Variants in ANKRD36 observed in about 807,000 individuals in gnomAD.
ANKRD36 encodes ankyrin repeat domain 36.
Under a neutral mutation model 278.1 loss-of-function variants are expected in ANKRD36, and 179 were observed. The ratio of observed to expected loss-of-function variants is 0.64; its 90% CI spans 0.57 to 0.73. The LOEUF (loss-of-function observed/expected upper bound fraction) is 0.73. Among genes scored for constraint, ANKRD36 ranks in the 30% least tolerant of loss-of-function variants. The pLI is 0.00. For synonymous variants in ANKRD36, 320 were observed against 641.1 expected (o/e 0.50, Z 7.57); for missense variants, 1,159 against 1,956.7 (o/e 0.59, Z 7.69).
At position 97,183,399 on chromosome 2, in the gene ANKRD36, T is replaced by C. The variant is rs182841319; in HGVS notation, c.1838-60T>C. The C allele has an allele frequency of 2.8e-4, 411 of 1,491,684 alleles. 4 individuals are homozygous for C. The East Asian group carries it at 7.3e-3, about 26-fold the overall frequency. 92.4% of individuals were successfully genotyped at this position (1,491,684 alleles called of 1,614,324 possible). On this transcript the variant is annotated intron_variant, in intron 26 of 75. Transcript: ENST00000420699. Reference sequence around the variant, plus strand: ...CAGCTTGATGCTAACACTGCATGAATGTATGGATGACTTTGTCATATTTAC... The same window carrying C: ...CAGCTTGATGCTAACACTGCATGAACGTATGGATGACTTTGTCATATTTAC...
At chr2:97,225,992 C>T (rs867136849) in intron 67 of ANKRD36, among the ~76,000 whole-genome samples, 1 of 151,790 alleles carries the variant, frequency 6.6e-6, no homozygotes. Context: ...TCCATGGTGT[C>T]TATGTGCCAT....
intron 38 of ANKRD36, among the ~76,000 whole-genome samples, chr2:97,193,756 A>G (rs1181159688): frequency 6.6e-6 from 1 of 151,686 alleles, no homozygotes; most frequent in Non-Finnish European, 1.5e-5. Flanking sequence ...TTTTAGTTAT[A>G]AAAATCAGAT....
chr2:97,126,452 T>A (rs906561493), intron 5 of ANKRD36, among the ~76,000 whole-genome samples: 3 of 151,974 alleles, frequency 2.0e-5, no homozygotes, highest in Non-Finnish European at 2.9e-5. Context: ...AAGTTATTTA[T>A]GAATTATGAA....
intron 66 of ANKRD36, among the ~76,000 whole-genome samples, chr2:97,222,066 T>G (rs1278437857): frequency 6.6e-6 from 1 of 151,802 alleles, no homozygotes; most frequent in Non-Finnish European, 1.5e-5. Flanking sequence ...TTTTCTCAGG[T>G]TTGTCAAAGA....
intron 6 of ANKRD36, among the ~76,000 whole-genome samples, chr2:97,133,311 A>C (rs556007163): frequency 6.6e-6 from 1 of 152,128 alleles, no homozygotes; most frequent in East Asian, 1.9e-4. Context: ...TGAAATACTA[A>C]GTTTCTGTGC....
chr2:97,199,444 A>T (rs1313052588), intron 44 of ANKRD36, among the ~76,000 whole-genome samples: 1 of 151,906 alleles, frequency 6.6e-6, no homozygotes, highest in Non-Finnish European at 1.5e-5. Flanking sequence ...CTATTTAATG[A>T]CACTTCTTTA....
intron 6 of ANKRD36, among the ~76,000 whole-genome samples, chr2:97,135,512 A>C (rs1236462532): frequency 6.6e-6 from 1 of 151,342 alleles, no homozygotes; most frequent in Non-Finnish European, 1.5e-5. Context: ...ATGTGAGATG[A>C]TAAAATGGCT....
At chr2:97,199,681 TG>T (rs2060766272) in intron 44 of ANKRD36, among the ~76,000 whole-genome samples, 1 of 151,832 alleles carries the variant, frequency 6.6e-6, no homozygotes, top group Admixed American at 6.6e-5. Context: ...GTGCCAAGAG[TG>T]GATGAAGAAA....
At chr2:97,129,078 G>A (rs543605392) in intron 6 of ANKRD36, among the ~76,000 whole-genome samples, 2 of 152,158 alleles carry the variant, frequency 1.3e-5, no homozygotes, top group Admixed American at 6.6e-5. Context: ...CTAGTTTACA[G>A]TCCCACCAAC....
At chr2:97,203,481 C>T (rs2061961624) in intron 48 of ANKRD36, among the ~76,000 whole-genome samples, 1 of 151,808 alleles carries the variant, frequency 6.6e-6, no homozygotes, top group South Asian at 2.1e-4. Flanking sequence ...ATTATTACAC[C>T]ATATGGGGGT....
rs1316825423 is a variant in ANKRD36 at position 97,218,931 on chromosome 2, T to C, written c.3776-119T>C. 43 of 1,435,570 alleles carry C rather than the reference T, an allele frequency of 3.0e-5. No homozygotes were observed. In the African/African-American group the frequency reaches 5.1e-4, roughly 17 times the overall value. The allele number at this position is 1,435,570 out of a possible 1,614,324, so 88.9% of individuals were successfully genotyped here. ...GTCCCAAAGAAACAAACTAGAAAAA[T>C]ATGAAACCCTACACTAATACAGGCA... On this transcript the variant is annotated intron_variant, in intron 64 of 75. Coordinates refer to ENST00000420699, the MANE Select transcript of ANKRD36 (RefSeq NM_001354587.1).
chr2:97,224,547 T>C (rs1291079538), intron 66 of ANKRD36, among the ~76,000 whole-genome samples: 1 of 151,674 alleles, frequency 6.6e-6, no homozygotes, highest in Non-Finnish European at 1.5e-5. Context: ...CTTCCCGGGC[T>C]CACGCCATTC....
At chr2:97,117,533 A>G (rs1014725366) in intron 1 of ANKRD36, among the ~76,000 whole-genome samples, 32 of 152,224 alleles carry the variant, frequency 2.1e-4, no homozygotes, top group African/African-American at 6.0e-4. Flanking sequence ...ATAAGAGAAT[A>G]GTAGCTTATA....
At chr2:97,170,885 G>GTTGTTT (rs2052271314) in intron 22 of ANKRD36, among the ~76,000 whole-genome samples, 1 of 148,460 alleles carries the variant, frequency 6.7e-6, no homozygotes, top group Non-Finnish European at 1.5e-5. Context: ...CAAAAAGTGG[G>GTTGTTT]CGAAGGACAT....
intron 66 of ANKRD36, among the ~76,000 whole-genome samples, chr2:97,220,192 T>A (rs1461118301): frequency 1.3e-4 from 19 of 149,050 alleles, no homozygotes; most frequent in African/African-American, 4.8e-4. Context: ...AATGACATCA[T>A]GGTTAATGGG....
At chr2:97,139,836 C>G (rs2042420820) in intron 6 of ANKRD36, among the ~76,000 whole-genome samples, 1 of 152,020 alleles carries the variant, frequency 6.6e-6, no homozygotes. Flanking sequence ...GGCCGATGGT[C>G]AAAGTGTTAC....
intron 42 of ANKRD36, among the ~76,000 whole-genome samples, chr2:97,197,040 G>T (rs1344508416): frequency 2.0e-5 from 3 of 151,900 alleles, no homozygotes; most frequent in Non-Finnish European, 4.4e-5. Context: ...AAGACATAAG[G>T]GTCTCTGGGG....
At chr2:97,203,354 G>A (rs2061928146) in intron 48 of ANKRD36, among the ~76,000 whole-genome samples, 2 of 151,862 alleles carry the variant, frequency 1.3e-5, no homozygotes, top group African/African-American at 4.8e-5. Flanking sequence ...GTATGTGTAT[G>A]TCAAATTTGA....
At chr2:97,192,783 C>T in intron 36 of ANKRD36, 75 bp from the exon 37 acceptor site, 1 of 1,525,600 alleles carries the variant, frequency 6.6e-7, no homozygotes, top group Non-Finnish European at 9.0e-7. Context: ...GAGGTTGATA[C>T]AAACACTTCA....
Sources: allele counts gnomAD v4.1 joint callset (sites outside exome capture counted in the v4.1 genomes callset), GRCh38; gene constraint gnomAD v4.1.1; transcripts MANE v1.5; gene names NCBI Gene and HGNC (gene_info 2026-07-23, HGNC 2026-07-21).